Variants in IMPACT observed in about 807,000 individuals in gnomAD.
IMPACT encodes the protein protein IMPACT.
In IMPACT, 35 loss-of-function variants were observed where a neutral mutation model predicts 47.5. That is an observed-to-expected ratio of 0.74 (90% CI 0.56 to 0.98). IMPACT has a LOEUF of 0.98. IMPACT is among the 50% of genes least tolerant of loss of function. The pLI, the probability that IMPACT is intolerant of heterozygous loss-of-function variation, is 0.00. For synonymous variants in IMPACT, 118 were observed against 125.6 expected (o/e 0.94, Z 0.40); for missense variants, 373 against 394.8 (o/e 0.94, Z 0.47).
At chr18:24,441,682 A>G (rs997616394) in intron 6 of IMPACT, among the ~76,000 whole-genome samples, 5 of 152,208 alleles carry the variant, frequency 3.3e-5, no homozygotes, top group Non-Finnish European at 7.3e-5. Context: ...GTCATTACAC[A>G]GTAGCTTTTA....
intron 9 of IMPACT, among the ~76,000 whole-genome samples, chr18:24,448,720 T>C (rs149016390): frequency 1.3e-5 from 2 of 152,128 alleles, no homozygotes; most frequent in Admixed American, 6.5e-5. Context: ...TGTTCTGTTT[T>C]ATGGCTCCAA....
At chr18:24,440,998 A>T (rs1909094135) in intron 6 of IMPACT, among the ~76,000 whole-genome samples, 1 of 152,240 alleles carries the variant, frequency 6.6e-6, no homozygotes, top group South Asian at 2.1e-4. Flanking sequence ...AAATACAAAT[A>T]TATTAACTGA....
chr18:24,438,250 G>C (rs185006982), intron 5 of IMPACT, among the ~76,000 whole-genome samples: 35 of 152,326 alleles, frequency 2.3e-4, no homozygotes, highest in African/African-American at 7.0e-4. Context: ...TTGTATTACA[G>C]TATTCCTCCT....
intron 3 of IMPACT, 91 bp downstream of exon 3, chr18:24,429,012 T>C: frequency 1.3e-6 from 1 of 796,682 alleles, no homozygotes; most frequent in Non-Finnish European, 2.0e-6. Context: ...AAAATACCTT[T>C]CTTATTAACA....
At position 24,447,231 on chromosome 18, in the gene IMPACT, A is replaced by AC. The variant is rs1362605487; in HGVS notation, c.669-862_669-861insC. 4.6e-5 allele frequency among the ~76,000 whole-genome samples: 7 copies of AC among 152,342 alleles called. No homozygotes were observed. The South Asian group carries it at 1.4e-3, about 32-fold the overall frequency. ...GGTAACATAACTGACTTAGGTGTGT[A>AC]GATGAGCTTTTATAGCTTTTAGTAT... On this transcript the variant is annotated intron_variant, in intron 8 of 10. Transcript: ENST00000284202.
chr18:24,449,235 T>G (rs1454856711), intron 9 of IMPACT, among the ~76,000 whole-genome samples: 1 of 152,104 alleles, frequency 6.6e-6, no homozygotes, highest in Non-Finnish European at 1.5e-5. Context: ...TGGTGGTGCA[T>G]GCACCTGTAG....
chr18:24,429,760 A>C (rs1298675966), intron 3 of IMPACT, among the ~76,000 whole-genome samples: 2 of 150,674 alleles, frequency 1.3e-5, no homozygotes, highest in African/African-American at 5.0e-5. Flanking sequence ...AATTCTTATA[A>C]ACATAAATGT....
intron 6 of IMPACT, 101 bp from the exon 7 acceptor site, chr18:24,442,948 C>T: frequency 1.2e-5 from 7 of 580,820 alleles, no homozygotes; most frequent in African/African-American, 1.9e-5. Context: ...GTTGATTTGC[C>T]ATGTAATTTA....
intron 3 of IMPACT, chr18:24,429,418 A>G (rs1422844934): frequency 1.3e-5 from 2 of 152,772 alleles, no homozygotes; most frequent in African/African-American, 4.8e-5. Context: ...GATGCAAGTG[A>G]TATTTCATCT....
chr18:24,438,068 C>G, intron 5 of IMPACT, 28 bp downstream of exon 5: 1 of 989,352 alleles, frequency 1.0e-6, no homozygotes, highest in South Asian at 1.4e-5. Flanking sequence ...TATCAATACT[C>G]TTTTAACTTA....
chr18:24,451,557 A>G lies in IMPACT; in HGVS notation c.*710A>G, dbSNP rs1401606747. The G allele has an allele frequency of 6.6e-6, 1 of 152,228 alleles. No individual in the cohort carries two copies. 9.4% of individuals were successfully genotyped at this position (152,228 alleles called of 1,614,324 possible). The stretch of plus-strand genomic sequence containing the variant: ...TTGTTTAATTCTTGTAATGTAAGCA[A>G]TAAATATGGAGTGTCAGTAGTCTCC... On this transcript the variant is annotated 3_prime_UTR_variant, in exon 11 of 11. Coordinates refer to ENST00000284202, the MANE Select transcript of IMPACT (RefSeq NM_018439.4).
chr18:24,444,155 C>T (rs891489680), intron 7 of IMPACT, among the ~76,000 whole-genome samples: 9 of 152,186 alleles, frequency 5.9e-5, no homozygotes, highest in Non-Finnish European at 1.0e-4. Context: ...CCTATTTTGT[C>T]CCTGGCCCTT....
intron 4 of IMPACT, among the ~76,000 whole-genome samples, chr18:24,436,443 C>T (rs1160879387): frequency 1.3e-5 from 2 of 151,906 alleles, no homozygotes; most frequent in Non-Finnish European, 2.9e-5. Flanking sequence ...AACGGAGTCT[C>T]GCTTTGTTGC....
intron 4 of IMPACT, chr18:24,435,257 A>G (rs1057054385): frequency 1.3e-5 from 2 of 152,188 alleles, no homozygotes; most frequent in African/African-American, 4.8e-5. Context: ...GGCATATGCT[A>G]CTGTGCCCAG....
intron 7 of IMPACT, among the ~76,000 whole-genome samples, chr18:24,444,879 C>A (rs957583857): frequency 1.3e-5 from 2 of 152,194 alleles, no homozygotes; most frequent in African/African-American, 4.8e-5. Flanking sequence ...GCCCTATTCT[C>A]TGTGTGGAAT....
intron 4 of IMPACT, 114 bp downstream of exon 4, chr18:24,430,498 C>A: frequency 1.5e-6 from 1 of 688,220 alleles, no homozygotes; most frequent in South Asian, 2.4e-5. Context: ...GCTACTTCTG[C>A]TTTAACAAAA....
At position 24,428,899 on chromosome 18, in the gene IMPACT, G is replaced by C. The variant is rs1276013103; in HGVS notation, c.196G>C (p.Ala66Pro). 2 of 1,611,178 alleles carry C rather than the reference G, an allele frequency of 1.2e-6. No individual in the cohort carries two copies. The highest frequency in any genetic ancestry group is 1.7e-6 in the Non-Finnish European group (2 of 1,178,350). Residue 66 changes from alanine (A) to proline (P), a missense_variant, in exon 3 of 11, where the codon GCT becomes CCT. By Grantham distance (27) the Ala-to-Pro change is conservative. Transcript: ENST00000284202. Reference sequence around the variant, plus strand: ...GCTGCCGAATGAATACCCAGGTACAGCTCCACCTATCTACCAGTTGAAGTA... The same window carrying C: ...GCTGCCGAATGAATACCCAGGTACACCTCCACCTATCTACCAGTTGAAGTA... ...VMLPNEYPGT[A>P]PPIYQLNAPW...
In IMPACT at chr18:24,451,080, C is replaced by G. The variant is rs1256518910; in HGVS notation, c.*233C>G. 1 of 330,994 alleles carries G rather than the reference C, an allele frequency of 3.0e-6. No homozygotes were observed. The highest frequency in any genetic ancestry group is 5.6e-6 in the Non-Finnish European group (1 of 179,882). The allele number at this position is 330,994 out of a possible 1,614,324, so 20.5% of individuals were successfully genotyped here. On this transcript the variant is annotated 3_prime_UTR_variant, in exon 11 of 11. Transcript: ENST00000284202. ...GGGAGAACTAATTTGAACTTAATCA[C>G]CACTTCATCTAATTTTAGCAAGGTA...
intron 6 of IMPACT, among the ~76,000 whole-genome samples, chr18:24,442,433 G>T (rs553175051): frequency 6.6e-6 from 1 of 152,138 alleles, no homozygotes; most frequent in Non-Finnish European, 1.5e-5. Flanking sequence ...GATTGCAGGC[G>T]TGAGCCACCA....
Sources: gnomAD v4.1 joint callset for allele counts (sites outside exome capture counted in the v4.1 genomes callset) on GRCh38, gnomAD v4.1.1 for gene constraint, MANE v1.5 for transcripts, NCBI Gene and HGNC (gene_info 2026-07-23, HGNC 2026-07-21) for gene names.